The following SDHA variants were observed in gnomAD, a reference collection of about 807,000 sequenced individuals.
The protein encoded by SDHA is succinate dehydrogenase complex flavoprotein subunit A.
SDHA carries 48 observed loss-of-function variants against 78.4 expected under a neutral mutation model. The ratio of observed to expected loss-of-function variants is 0.61; its 90% CI spans 0.49 to 0.78. SDHA has a LOEUF of 0.78. SDHA is among the 30% of genes least tolerant of loss of function. The pLI is 0.00. For synonymous variants in SDHA, 326 were observed against 353.9 expected (o/e 0.92, Z 0.88); for missense variants, 680 against 892.7 (o/e 0.76, Z 3.04).
rs775827529 is a variant in SDHA at position 225,979 on chromosome 5, C to G, written c.553C>G (p.Gln185Glu). 7 of 1,614,048 alleles carry G rather than the reference C, an allele frequency of 4.3e-6. No individual in the cohort carries two copies. Among genetic ancestry groups the G allele is most frequent in the Non-Finnish European group, 5.9e-6 (7 of 1,180,050 alleles). ...GAGCCTCAAGTTTGGAAAGGGCGGGCAGGCCCATCGGTGCTGCTGTGTGGC... is the reference window on the plus strand; with the variant it reads ...GAGCCTCAAGTTTGGAAAGGGCGGGGAGGCCCATCGGTGCTGCTGTGTGGC... Reference protein sequence around the residue: ...GQSLKFGKGGQAHRCCCVADR... With the variant: ...GQSLKFGKGGEAHRCCCVADR... The change falls in exon 5 of 15, where the codon CAG becomes GAG. Residue 185 changes from glutamine (Q) to glutamate (E), a missense_variant. Gln to Glu is a conservative substitution (Grantham distance 29). Transcript: ENST00000264932.
chr5:228,383 C>T (rs749970496), intron 6 of SDHA, 50 bp downstream of exon 6: 12 of 1,548,782 alleles, frequency 7.7e-6, no homozygotes, highest in South Asian at 4.5e-5. Flanking sequence ...GAATAAATTT[C>T]ATTTAGAGTT....
intron 14 of SDHA, among the ~76,000 whole-genome samples, chr5:255,920 G>A (rs1213185684): frequency 2.0e-5 from 3 of 152,180 alleles, no homozygotes; most frequent in East Asian, 1.9e-4. Flanking sequence ...GACCAGAAGC[G>A]TTGTGGATTT....
intron 6 of SDHA, 123 bp from the exon 7 acceptor site, chr5:230,753 G>C: frequency 7.7e-7 from 1 of 1,306,106 alleles, no homozygotes; most frequent in Middle Eastern, 1.9e-4. Context: ...TGAGTAGGGG[G>C]TTGTGTGTGC....
rs186069844 is a variant in SDHA at position 235,974 on chromosome 5, A to G, written c.1261-454A>G. On this transcript the variant is annotated intron_variant, in intron 9 of 14. Coordinates refer to ENST00000264932, the MANE Select transcript of SDHA (RefSeq NM_004168.4). The stretch of plus-strand genomic sequence containing the variant: ...GATACCTTCGGAAGCTTCCCTCTGA[A>G]GAAGAGTAGCTATGGTCCTTACTTC... The G allele has an allele frequency of 1.5e-3, 376 of 250,914 alleles. 2 individuals carry two copies. Among genetic ancestry groups the G allele is most frequent in the Non-Finnish European group, 2.4e-3 (305 of 126,752 alleles). 15.5% of individuals were successfully genotyped at this position (250,914 alleles called of 1,614,324 possible).
intron 10 of SDHA, among the ~76,000 whole-genome samples, chr5:239,290 C>G (rs1221323331): frequency 1.4e-5 from 2 of 138,848 alleles, no homozygotes; most frequent in Non-Finnish European, 3.0e-5. Flanking sequence ...CTTGGCTGTG[C>G]GCAGTGGCTC....
At position 233,516 on chromosome 5, in the gene SDHA, G is replaced by A. The variant is rs876660932; in HGVS notation, c.935G>A (p.Arg312His). ...GGTTGTCTCATTACGGAAGGATGTC[G>A]TGGAGAGGGAGGCATTCTCATTAAC... ...GAGCLITEGC[R>H]GEGGILINSQ... is the part of the protein sequence containing the mutation. The change falls in exon 8 of 15, where the codon CGT (arginine) becomes CAT (histidine). Residue 312 changes from arginine to histidine, a missense_variant. By Grantham distance (29) the Arg-to-His change is conservative (BLOSUM62 0). Transcript: ENST00000264932. 5.0e-6 allele frequency: 8 copies of A among 1,614,210 alleles called. No homozygotes were observed. Among genetic ancestry groups the A allele is most frequent in the Admixed American group, 1.7e-5 (1 of 60,026 alleles).
Position 239,879 on chromosome 5 carries a change from C to T in SDHA, c.1433-479C>T, listed in dbSNP as rs1413205493. Among the ~76,000 whole-genome samples the T allele has an allele frequency of 3.3e-5, 5 of 151,792 alleles. No homozygotes were observed. The East Asian group carries it at 9.8e-4, about 30-fold the overall frequency. ...CCACCTTTAGGGTTCAAGCAGTTCT[C>T]ATGCCTCAGCCTCCCGAGTAGCTGG... is the stretch of plus-strand genomic sequence containing the variant. On this transcript the variant is annotated intron_variant, in intron 10 of 14. Coordinates refer to ENST00000264932, the MANE Select transcript of SDHA (RefSeq NM_004168.4).
chr5:259,444 G>A (rs1737402654), downstream of SDHA, among the ~76,000 whole-genome samples: 1 of 46,820 alleles, frequency 2.1e-5, no homozygotes, highest in Non-Finnish European at 3.9e-5. Context: ...TCCCGACAGA[G>A]CATTACCGTG....
Position 252,854 on chromosome 5 carries a change from T to C in SDHA, c.1794+1386T>C, listed in dbSNP as rs1324726439. Among the ~76,000 whole-genome samples, 25 of 147,798 alleles carry C rather than the reference T, an allele frequency of 1.7e-4. 4 individuals carry two copies. Among genetic ancestry groups the C allele is most frequent in the Non-Finnish European group, 2.4e-4 (16 of 67,192 alleles). On this transcript the variant is annotated intron_variant, in intron 13 of 14. Coordinates refer to ENST00000264932, the MANE Select transcript of SDHA (RefSeq NM_004168.4). ...AAATGCCAGTTTATTAACAAGTAAG[T>C]CACTGTTTCAGACCTGCCCTGTGGA...
intron 11 of SDHA, among the ~76,000 whole-genome samples, chr5:245,500 ATTGAACC>A (rs1388634701): frequency 6.6e-6 from 1 of 152,206 alleles, no homozygotes; most frequent in Non-Finnish European, 1.5e-5. Context: ...AGGGCAAGCA[ATTGAACC>A]TACTCATAAA....
rs750531440 is a variant in SDHA, at chr5:228,198, A to C, written c.635A>C (p.Asp212Ala). 1 of 1,613,710 alleles carries C rather than the reference A, an allele frequency of 6.2e-7. No individual in the cohort carries two copies. Among genetic ancestry groups the C allele is most frequent in the East Asian group, 2.2e-5 (1 of 44,864 alleles). The change falls in exon 6 of 15, where the codon GAT becomes GCT. Residue 212 changes from aspartate (D) to alanine (A), a missense_variant. Coordinates refer to ENST00000264932, the MANE Select transcript of SDHA (RefSeq NM_004168.4). ...CCTTTCTTTTAGTCTCTGCGATATG[A>C]TACCAGCTATTTTGTGGAGTATTTT... ...HTLYGRSLRY[D>A]TSYFVEYFAL...
At chr5:258,235 CT>C (rs199499813), downstream of SDHA, among the ~76,000 whole-genome samples, 550 of 123,064 alleles carry the variant, frequency 4.5e-3, 126 homozygotes, top group African/African-American at 0.024. Context: ...GCTCCGCCCC[CT>C]GTCAGAGCAT....
the SDHA span, among the ~76,000 whole-genome samples, chr5:268,727 T>C: frequency 6.6e-6 from 1 of 152,214 alleles, no homozygotes; most frequent in Non-Finnish European, 1.5e-5. Flanking sequence ...TATATTTAAA[T>C]ATTAAAAGGG....
At chr5:233,282 G>A (rs1033161611) in intron 7 of SDHA, among the ~76,000 whole-genome samples, 195 bp from the exon 8 acceptor site, 18 of 152,240 alleles carry the variant, frequency 1.2e-4, no homozygotes, top group African/African-American at 4.3e-4. Flanking sequence ...CTCTGCTGCA[G>A]CTGTCAGCCT....
At chr5:224,300 A>G in intron 2 of SDHA, 60 bp from the exon 3 acceptor site, 1 of 1,556,698 alleles carries the variant, frequency 6.4e-7, no homozygotes, top group South Asian at 1.1e-5. Flanking sequence ...CACTGTCACA[A>G]GATTCTTCAT....
intron 2 of SDHA, 79 bp downstream of exon 2, chr5:223,647 A>G (rs1734840944): frequency 2.8e-6 from 3 of 1,063,648 alleles, no homozygotes; most frequent in Non-Finnish European, 4.4e-6. Flanking sequence ...TTGTTTTCAT[A>G]TGAGTCATAG....
intron 3 of SDHA, chr5:224,855 T>G (rs887883943): frequency 1.8e-4 from 72 of 393,606 alleles, no homozygotes; most frequent in African/African-American, 1.4e-3. Context: ...GAATTTAGGT[T>G]GGGGAAGAAA....
chr5:239,251 G>C (rs1358540066), intron 10 of SDHA, among the ~76,000 whole-genome samples: 1 of 151,714 alleles, frequency 6.6e-6, no homozygotes, highest in Non-Finnish European at 1.5e-5. Flanking sequence ...CTTTTTTCAA[G>C]ACATCGTAGA....
chr5:225,772 A>C (rs748550489), intron 4 of SDHA, 111 bp from the exon 5 acceptor site: 23 of 1,439,520 alleles, frequency 1.6e-5, no homozygotes, highest in African/African-American at 1.4e-5. Flanking sequence ...TTCATAAAAT[A>C]GGTTACTTTG....
Sources: gnomAD v4.1 joint callset for allele counts (sites outside exome capture counted in the v4.1 genomes callset) on GRCh38, gnomAD v4.1.1 for gene constraint, MANE v1.5 for transcripts, NCBI Gene and HGNC (gene_info 2026-07-23, HGNC 2026-07-21) for gene names.